Variants in SLCO1C1 observed in about 807,000 individuals in gnomAD.
The protein encoded by SLCO1C1 is solute carrier organic anion transporter family member 1C1, also known as OAT-RP-5.
SLCO1C1 carries 70 observed loss-of-function variants against 76.4 expected under a neutral mutation model. The ratio of observed to expected loss-of-function variants is 0.92; its 90% CI spans 0.76 to 1.12. The LOEUF (loss-of-function observed/expected upper bound fraction) is 1.12, where lower values mean the gene tolerates loss of function less well. SLCO1C1 is among the 50% of genes most tolerant of loss of function. SLCO1C1 has a pLI of 0.00. For synonymous variants in SLCO1C1, 306 were observed against 286.1 expected (o/e 1.07, Z -0.70); for missense variants, 912 against 823.8 (o/e 1.11, Z -1.31).
chr12:20,743,186 A>G, intron 12 of SLCO1C1, 119 bp from the exon 13 acceptor site: 2 of 941,440 alleles, frequency 2.1e-6, no homozygotes, highest in South Asian at 3.2e-5. Flanking sequence ...AATGGGTTCA[A>G]CATAAATGGC....
rs985101415 is a variant in SLCO1C1, at chr12:20,701,800, C to T, written c.271+341C>T. The stretch of plus-strand genomic sequence containing the variant: ...GAAGTATCTTTACAGAAGAACAATA[C>T]ACCCTGGGAGCACTATGATTCAATT... On this transcript the variant is annotated intron_variant, in intron 3 of 14. Coordinates refer to ENST00000266509, the MANE Select transcript of SLCO1C1 (RefSeq NM_017435.5). 2.0e-5 allele frequency among the ~76,000 whole-genome samples: 3 copies of T among 151,904 alleles called. No homozygotes were observed. In the East Asian group the frequency reaches 5.8e-4, roughly 29 times the overall value.
chr12:20,723,321 A>T (rs901425142), intron 9 of SLCO1C1, 67 bp downstream of exon 9: 2 of 1,540,836 alleles, frequency 1.3e-6, no homozygotes, highest in African/African-American at 2.8e-5. Flanking sequence ...TAACTCGGGA[A>T]TCTTCGAGAA....
chr12:20,703,980 T>C (rs530987765), intron 3 of SLCO1C1, among the ~76,000 whole-genome samples: 15 of 145,174 alleles, frequency 1.0e-4, no homozygotes, highest in East Asian at 5.9e-4. Flanking sequence ...TGTGTGTGTG[T>C]GTGTGTGCAT....
At chr12:20,733,165 T>C (rs930572781) in intron 10 of SLCO1C1, 61 bp downstream of exon 10, 3 of 1,425,776 alleles carry the variant, frequency 2.1e-6, no homozygotes, top group Middle Eastern at 1.9e-4. Flanking sequence ...CAATTATTGG[T>C]GGAGTTGCAA....
chr12:20,752,447 A>G lies in SLCO1C1; in HGVS notation c.2058A>G (p.Thr686=). The G allele has an allele frequency of 6.2e-7, 1 of 1,613,538 alleles. No individual in the cohort carries two copies. The highest frequency in any genetic ancestry group is 8.5e-7 in the Non-Finnish European group (1 of 1,179,656). ...ITKRERTMVS[T]RFQKENYTTS... ...AGAGAGAAAGAACAATGGTGTCTAC[A>G]AGATTCCAAAAGGAAAATTACACTA... is the stretch of plus-strand genomic sequence containing the variant. Residue 686 remains threonine (T), a synonymous_variant, in exon 15 of 15, where the codon ACA becomes ACG. Coordinates refer to ENST00000266509, the MANE Select transcript of SLCO1C1 (RefSeq NM_017435.5).
chr12:20,738,431 T>G (rs1948647977), intron 11 of SLCO1C1, among the ~76,000 whole-genome samples: 1 of 152,234 alleles, frequency 6.6e-6, no homozygotes, highest in Non-Finnish European at 1.5e-5. Flanking sequence ...TATTTATATA[T>G]CCTTATCAAC....
chr12:20,743,987 T>C (rs777126007), intron 13 of SLCO1C1, among the ~76,000 whole-genome samples: 5 of 151,930 alleles, frequency 3.3e-5, no homozygotes, highest in Non-Finnish European at 7.4e-5. Context: ...AATAAAATAA[T>C]TTTGAATATT....
At chr12:20,737,331 C>T in intron 11 of SLCO1C1, 59 bp downstream of exon 11, 2 of 1,493,428 alleles carry the variant, frequency 1.3e-6, no homozygotes, top group Admixed American at 2.7e-5. Flanking sequence ...AACAACAAAA[C>T]TCTATGGGGG....
intron 6 of SLCO1C1, among the ~76,000 whole-genome samples, chr12:20,715,747 T>A (rs899525153): frequency 6.6e-6 from 1 of 152,154 alleles, no homozygotes; most frequent in African/African-American, 2.4e-5. Flanking sequence ...CAAGAAATCT[T>A]GAGATCTCAA....
intron 9 of SLCO1C1, among the ~76,000 whole-genome samples, chr12:20,723,728 G>C (rs968334281): frequency 2.0e-5 from 3 of 152,092 alleles, no homozygotes; most frequent in Admixed American, 1.3e-4. Context: ...AGATAGAAAA[G>C]TATGAAGAAA....
intron 10 of SLCO1C1, among the ~76,000 whole-genome samples, chr12:20,735,378 C>T (rs1023233510): frequency 1.3e-5 from 2 of 152,044 alleles, no homozygotes; most frequent in African/African-American, 4.8e-5. Flanking sequence ...AGCATGTTAC[C>T]CACCCACGTA....
chr12:20,709,034 G>A (rs1011785969), intron 4 of SLCO1C1, among the ~76,000 whole-genome samples: 6 of 152,156 alleles, frequency 3.9e-5, no homozygotes, highest in Non-Finnish European at 8.8e-5. Context: ...ACTGACTGCT[G>A]CTTGGAGAAT....
At chr12:20,733,627 C>T (rs1177690628) in intron 10 of SLCO1C1, among the ~76,000 whole-genome samples, 1 of 152,218 alleles carries the variant, frequency 6.6e-6, no homozygotes, top group Non-Finnish European at 1.5e-5. Context: ...GGAGTTACCT[C>T]TTTGCAATCC....
intron 4 of SLCO1C1, 64 bp downstream of exon 4, chr12:20,706,145 T>A: frequency 6.6e-7 from 1 of 1,514,008 alleles, no homozygotes; most frequent in African/African-American, 1.4e-5. Flanking sequence ...CCTTTTATGA[T>A]GATTATTAAT....
chr12:20,721,774 T>C, intron 7 of SLCO1C1, 30 bp from the exon 8 acceptor site: 1 of 1,607,364 alleles, frequency 6.2e-7, no homozygotes, highest in African/African-American at 1.3e-5. Flanking sequence ...TTGCTGTTTG[T>C]ATTACTTAGC....
In SLCO1C1 at chr12:20,699,547, G is replaced by T; in HGVS notation, c.-25-5G>T. 1 of 1,567,408 alleles carries T rather than the reference G, an allele frequency of 6.4e-7. No homozygotes were observed. Among genetic ancestry groups the T allele is most frequent in the South Asian group, 1.2e-5 (1 of 83,098 alleles). ...TATTTTTACTTTAAAAACTAACTTT[G>T]ACAGATCAGAGTCAAGGAATGTGTT... is the stretch of plus-strand genomic sequence containing the variant. On this transcript the variant is annotated splice_polypyrimidine_tract_variant and splice_region_variant and intron_variant, in intron 1 of 14. Coordinates refer to ENST00000266509, the MANE Select transcript of SLCO1C1 (RefSeq NM_017435.5).
rs571293800 is a variant in SLCO1C1, at chr12:20,711,251, G to A, written c.405-135G>A. The A allele has an allele frequency of 6.1e-6, 6 of 983,272 alleles. No homozygotes were observed. In the East Asian group the frequency reaches 1.3e-4, roughly 22 times the overall value. 60.9% of individuals were successfully genotyped at this position (983,272 alleles called of 1,614,324 possible). On this transcript the variant is annotated intron_variant, in intron 4 of 14. Coordinates refer to ENST00000266509, the MANE Select transcript of SLCO1C1 (RefSeq NM_017435.5). ...CAGCAAAATCTGCTGTTAAACACTG[G>A]CTTGATTTGGTGAATTAGGTTCAGA...
intron 7 of SLCO1C1, 106 bp from the exon 8 acceptor site, chr12:20,721,698 T>C: frequency 7.7e-7 from 1 of 1,304,610 alleles, no homozygotes; most frequent in Non-Finnish European, 1.0e-6. Context: ...AATTATTAGG[T>C]ATTTTATGAT....
At chr12:20,725,307 G>T (rs1003768805) in intron 9 of SLCO1C1, among the ~76,000 whole-genome samples, 1 of 129,354 alleles carries the variant, frequency 7.7e-6, no homozygotes, top group Non-Finnish European at 1.6e-5. Flanking sequence ...ATATATTATA[G>T]CATATTACAC....
Sources: allele counts gnomAD v4.1 joint callset (sites outside exome capture counted in the v4.1 genomes callset), GRCh38; gene constraint gnomAD v4.1.1; transcripts MANE v1.5; gene names NCBI Gene and HGNC (gene_info 2026-07-23, HGNC 2026-07-21).